Variants in MAGI2 observed in about 807,000 individuals in gnomAD.
The protein encoded by MAGI2 is membrane-associated guanylate kinase, WW and PDZ domain-containing protein 2.
Under a neutral mutation model 133.3 loss-of-function variants are expected in MAGI2, and 35 were observed. That is an observed-to-expected ratio of 0.26 (90% CI 0.20 to 0.35). The LOEUF (loss-of-function observed/expected upper bound fraction) is 0.35, where lower values mean the gene tolerates loss of function less well. Ranked by LOEUF, MAGI2 falls within the 10% of genes least tolerant of loss-of-function variation. The pLI is 1.00. For synonymous variants in MAGI2, 729 were observed against 710.6 expected, an observed-to-expected ratio of 1.03 and a Z score of -0.41; for missense variants, 1,636 against 1,863.4, an observed-to-expected ratio of 0.88 and a Z score of 2.25.
intron 2 of MAGI2, among the ~76,000 whole-genome samples, chr7:78,922,594 G>T (rs1387644935): frequency 1.3e-5 from 2 of 152,092 alleles, no homozygotes; most frequent in Non-Finnish European, 2.9e-5. Flanking sequence ...GTCTATCGTT[G>T]TTGGACACTT....
At chr7:78,474,283 G>C (rs928152593) in intron 6 of MAGI2, among the ~76,000 whole-genome samples, 2 of 151,998 alleles carry the variant, frequency 1.3e-5, no homozygotes, top group Non-Finnish European at 2.9e-5. Flanking sequence ...TATCTGGTAA[G>C]TTGCAAGTTG....
At chr7:79,355,530 T>C (rs1185134263) in intron 1 of MAGI2, among the ~76,000 whole-genome samples, 3 of 152,196 alleles carry the variant, frequency 2.0e-5, no homozygotes, top group Non-Finnish European at 4.4e-5. Context: ...AAGAAGTAAG[T>C]TCACTGCAAC....
chr7:78,450,024 T>C (rs10254500), intron 6 of MAGI2, among the ~76,000 whole-genome samples: 36,852 of 152,048 alleles, frequency 0.24, 4,720 homozygotes, highest in East Asian at 0.43. Context: ...ATGAACATAT[T>C]TGATTCATTC....
rs189294505 is a variant in MAGI2 at position 79,257,874 on chromosome 7, G to A, written c.301+195146C>T. ...TATTTGTTATGTGCAGCAACATTTT[G>A]CCCCACAGAAATTCTGTGGTGGATG... On this transcript the variant is annotated intron_variant, in intron 1 of 21. Coordinates refer to ENST00000354212, the MANE Select transcript of MAGI2 (RefSeq NM_012301.4). 1.6e-4 allele frequency among the ~76,000 whole-genome samples: 24 copies of A among 152,092 alleles called. No individual in the cohort carries two copies. The East Asian group carries it at 2.1e-3, about 13-fold the overall frequency.
chr7:78,260,117 C>G (rs1012100352), intron 9 of MAGI2, among the ~76,000 whole-genome samples: 1 of 152,074 alleles, frequency 6.6e-6, no homozygotes, highest in Non-Finnish European at 1.5e-5. Flanking sequence ...TACTCAACTG[C>G]CCACTTTAAA....
rs547463432 is a variant in MAGI2, at chr7:78,569,551, G to C, written c.539-47906C>G. Among the ~76,000 whole-genome samples the C allele has an allele frequency of 2.0e-5, 3 of 151,820 alleles. No homozygotes were observed. In the South Asian group the frequency reaches 6.2e-4, roughly 32 times the overall value. On this transcript the variant is annotated intron_variant, in intron 3 of 21. Coordinates refer to ENST00000354212, the MANE Select transcript of MAGI2 (RefSeq NM_012301.4). ...ATTTAAGTCCTGCCCAATATCACTT[G>C]CGTTTAAGAAAACAATTTTCTGGCA...
chr7:78,762,460 A>G (rs772238532), intron 2 of MAGI2, among the ~76,000 whole-genome samples: 20 of 152,148 alleles, frequency 1.3e-4, no homozygotes, highest in Non-Finnish European at 2.8e-4. Flanking sequence ...CAAACCAAAC[A>G]AACAAAAAAC....
In MAGI2 at chr7:79,440,322, A is replaced by G. The variant is rs541476099; in HGVS notation, c.301+12698T>C. ...GCATTTGTAAAAACTACATAATTTT[A>G]AAAAGTACTTCAAGTTGGTTTTTGC... On this transcript the variant is annotated intron_variant, in intron 1 of 21. Transcript: ENST00000354212. Among the ~76,000 whole-genome samples, 23 of 152,218 alleles carry G rather than the reference A, an allele frequency of 1.5e-4. No individual in the cohort carries two copies. The South Asian group carries it at 3.1e-3, about 21-fold the overall frequency.
At chr7:78,559,027 C>T (rs4534071) in intron 3 of MAGI2, among the ~76,000 whole-genome samples, 85 of 149,170 alleles carry the variant, frequency 5.7e-4, no homozygotes, top group Non-Finnish European at 1.1e-3. Context: ...GTACAGTGTT[C>T]TCTGGTAATA....
At chr7:79,060,842 C>G (rs1408000452) in intron 1 of MAGI2, among the ~76,000 whole-genome samples, 2 of 151,946 alleles carry the variant, frequency 1.3e-5, no homozygotes, top group African/African-American at 2.4e-5. Flanking sequence ...CATGAAATAA[C>G]GAAGTCTCTT....
At chr7:79,274,853 T>A (rs1835124339) in intron 1 of MAGI2, among the ~76,000 whole-genome samples, 1 of 152,184 alleles carries the variant, frequency 6.6e-6, no homozygotes, top group Non-Finnish European at 1.5e-5. Flanking sequence ...TTATGTCTGT[T>A]ATTGTGATCT....
intron 2 of MAGI2, among the ~76,000 whole-genome samples, chr7:78,902,781 G>A (rs1035065832): frequency 1.3e-5 from 2 of 152,106 alleles, no homozygotes; most frequent in African/African-American, 4.8e-5. Context: ...AAGCTCAATT[G>A]GACCCCTGTT....
intron 2 of MAGI2, among the ~76,000 whole-genome samples, chr7:78,997,395 G>A (rs1266807706): frequency 1.6e-4 from 24 of 151,992 alleles, no homozygotes; most frequent in Admixed American, 1.6e-3. Context: ...CTTGAGGTCG[G>A]GAGTTCAAGA....
chr7:78,784,436 A>G (rs879799316), intron 2 of MAGI2, among the ~76,000 whole-genome samples: 25 of 152,310 alleles, frequency 1.6e-4, no homozygotes, highest in Admixed American at 7.8e-4. Context: ...TAGAAACCAG[A>G]ACCCCTATTA....
At chr7:78,205,132 C>A (rs113981740) in intron 10 of MAGI2, among the ~76,000 whole-genome samples, 8 of 152,212 alleles carry the variant, frequency 5.3e-5, no homozygotes, top group African/African-American at 1.9e-4. Flanking sequence ...CAACTAAACA[C>A]GATTTATTTT....
intron 2 of MAGI2, among the ~76,000 whole-genome samples, chr7:78,717,412 G>A (rs558307281): frequency 6.6e-6 from 1 of 152,224 alleles, no homozygotes; most frequent in East Asian, 1.9e-4. Context: ...GTACACTTGG[G>A]CAATGTAACA....
chr7:78,980,783 T>C (rs1389203335), intron 2 of MAGI2, among the ~76,000 whole-genome samples: 2 of 151,896 alleles, frequency 1.3e-5, no homozygotes, highest in South Asian at 4.1e-4. Context: ...TTTTTGTTTT[T>C]TGTTTTTTTA....
chr7:78,057,180 C>G (rs1196241618), intron 21 of MAGI2, among the ~76,000 whole-genome samples: 1 of 151,898 alleles, frequency 6.6e-6, no homozygotes, highest in Non-Finnish European at 1.5e-5. Flanking sequence ...TGCAATCCCA[C>G]AAACAGAACA....
At chr7:79,174,585 C>T (rs776990899) in intron 1 of MAGI2, among the ~76,000 whole-genome samples, 3 of 151,688 alleles carry the variant, frequency 2.0e-5, no homozygotes, top group Non-Finnish European at 4.4e-5. Flanking sequence ...GGTGCAGTGG[C>T]TCATACCTAT....
Sources: gnomAD v4.1 joint callset for allele counts (sites outside exome capture counted in the v4.1 genomes callset) on GRCh38, gnomAD v4.1.1 for gene constraint, MANE v1.5 for transcripts, NCBI Gene and HGNC (gene_info 2026-07-23, HGNC 2026-07-21) for gene names.